ZNF831: variants seen among roughly 807,000 people sequenced by gnomAD.
ZNF831 encodes chromosome 20 open reading frame 174.
A neutral mutation model predicts 95.8 loss-of-function variants in ZNF831; 59 were observed. The ratio of observed to expected loss-of-function variants is 0.62; its 90% CI spans 0.50 to 0.77. The LOEUF is 0.77. ZNF831 is among the 30% of genes least tolerant of loss of function. ZNF831 has a pLI of 0.00. For missense variants in ZNF831, 2,205 were observed against 2,164.0 expected (o/e 1.02, Z -0.38); for synonymous variants, 961 against 925.5 (o/e 1.04, Z -0.70).
At chr20:59,253,863 C>A in intron 5 of ZNF831, 35 bp from the exon 6 acceptor site, 7 of 1,096,166 alleles carry the variant, frequency 6.4e-6, no homozygotes, top group South Asian at 1.7e-5. Flanking sequence ...TTAACCTCCC[C>A]CCCCACTTTT....
Position 59,258,964 on chromosome 20 carries a change from CT to C in ZNF831, c.*4223del, listed in dbSNP as rs1478357452. ...GGAGCACTAGAGGATGACGGAATGT[CT>C]TGTATATGCGGTCAACTGTTCAGGA... On this transcript the variant is annotated 3_prime_UTR_variant, in exon 6 of 6. Transcript: ENST00000371030. 6.6e-6 allele frequency: 1 copy of C among 152,176 alleles called. No homozygotes were observed. Among genetic ancestry groups the C allele is most frequent in the Non-Finnish European group, 1.5e-5 (1 of 68,022 alleles). 9.4% of individuals were successfully genotyped at this position (152,176 alleles called of 1,614,324 possible). A position where few individuals can be genotyped will look rare whatever the true frequency, so the allele number is the denominator to read the frequency against.
rs1382267557 is a variant in ZNF831 at position 59,207,020 on chromosome 20, T to G, written c.3991T>G (p.Cys1331Gly). ...TCCCGCACTTGAGGGACTGAAGCCA[T>G]GCAGGACCCCTGGGCAGACCTCTTC... ...HPPALEGLKP[C>G]RTPGQTSSEI... Residue 1331 changes from cysteine (C) to glycine (G), a missense_variant, in exon 4 of 6, where the codon TGC becomes GGC. Coordinates refer to ENST00000371030, the MANE Select transcript of ZNF831 (RefSeq NM_178457.3). 6.2e-7 allele frequency: 1 copy of G among 1,614,070 alleles called. No homozygotes were observed. Among genetic ancestry groups the G allele is most frequent in the South Asian group, 1.1e-5 (1 of 91,086 alleles).
chr20:59,239,843 C>A (rs1339022814), intron 4 of ZNF831, among the ~76,000 whole-genome samples: 1 of 152,246 alleles, frequency 6.6e-6, no homozygotes, highest in East Asian at 1.9e-4. Context: ...CCGCACCCGG[C>A]CATCTGTAAG....
intron 4 of ZNF831, among the ~76,000 whole-genome samples, chr20:59,219,571 G>C (rs1218226139): frequency 6.6e-6 from 1 of 152,126 alleles, no homozygotes; most frequent in East Asian, 1.9e-4. Flanking sequence ...GCATAGCAGG[G>C]GGTGGGGCAT....
chr20:59,205,416 C>A (rs77913578), intron 3 of ZNF831, among the ~76,000 whole-genome samples: 11,338 of 152,262 alleles, frequency 0.074, 584 homozygotes, highest in Non-Finnish European at 0.11. Context: ...TCCCCTCCCC[C>A]CAGCCGGGGA....
chr20:59,195,836 G>T, intron 2 of ZNF831, 33 bp from the exon 3 acceptor site: 4 of 1,600,494 alleles, frequency 2.5e-6, no homozygotes, highest in Non-Finnish European at 3.4e-6. Context: ...AGGACTTTGA[G>T]TAATGTGATG....
chr20:59,134,839 C>T (rs1601290423), intron 1 of ZNF831, among the ~76,000 whole-genome samples: 2 of 152,188 alleles, frequency 1.3e-5, no homozygotes, highest in African/African-American at 2.4e-5. Flanking sequence ...CATTCGATCT[C>T]TTTGTGCCTC....
intron 2 of ZNF831, among the ~76,000 whole-genome samples, chr20:59,156,490 C>T (rs1451233642): frequency 6.6e-6 from 1 of 152,114 alleles, no homozygotes; most frequent in East Asian, 1.9e-4. Context: ...TGCACCACTG[C>T]ACTCCAGCCT....
chr20:59,199,114 TC>T, intron 3 of ZNF831, among the ~76,000 whole-genome samples: 1 of 136,648 alleles, frequency 7.3e-6, no homozygotes, highest in South Asian at 2.6e-4. Context: ...TATCTATCTA[TC>T]TATCTATCTA....
chr20:59,167,128 C>G (rs1298166105), intron 1 of ZNF831, among the ~76,000 whole-genome samples: 1 of 152,234 alleles, frequency 6.6e-6, no homozygotes, highest in Non-Finnish European at 1.5e-5. Flanking sequence ...GCCATTCTGA[C>G]AGGTGTGAAG....
In ZNF831 at chr20:59,193,884, C is replaced by T. The variant is rs776722411; in HGVS notation, c.2865C>T (p.Pro955=). The part of the protein sequence containing the change: ...LPQAETPLPL[P]IPWGPRHSQD... Reference sequence around the variant, plus strand: ...AGGCAGAGACCCCCTTACCACTGCCCATTCCCTGGGGACCAAGGCACAGCC... The same window carrying T: ...AGGCAGAGACCCCCTTACCACTGCCTATTCCCTGGGGACCAAGGCACAGCC... The change falls in exon 2 of 6, where the codon CCC becomes CCT. Residue 955 remains proline (P), a synonymous_variant. Coordinates refer to ENST00000371030, the MANE Select transcript of ZNF831 (RefSeq NM_178457.3). 3.7e-6 allele frequency: 6 copies of T among 1,609,124 alleles called. No individual in the cohort carries two copies. The highest frequency in any genetic ancestry group is 1.3e-5 in the African/African-American group (1 of 74,782).
chr20:59,144,727 T>C (rs1004604804), intron 1 of ZNF831, among the ~76,000 whole-genome samples: 1 of 152,192 alleles, frequency 6.6e-6, no homozygotes, highest in African/African-American at 2.4e-5. Flanking sequence ...TCCTACCCCC[T>C]GTGTCAACCT....
rs557142843 is a variant in ZNF831 at position 59,195,322 on chromosome 20, G to T, written c.3739-547G>T. 4.6e-5 allele frequency among the ~76,000 whole-genome samples: 7 copies of T among 152,314 alleles called. 1 individual carries two copies. The East Asian group carries it at 1.4e-3, about 29-fold the overall frequency. On this transcript the variant is annotated intron_variant, in intron 2 of 5. Coordinates refer to ENST00000371030, the MANE Select transcript of ZNF831 (RefSeq NM_178457.3). ...AGCTCCACCTTGAGAGGGGGTTCACGCACCTGGTTGTGATGACTGAGGGCT... is the reference window on the plus strand; with the variant it reads ...AGCTCCACCTTGAGAGGGGGTTCACTCACCTGGTTGTGATGACTGAGGGCT...
chr20:59,238,353 C>G (rs966631155), intron 4 of ZNF831, among the ~76,000 whole-genome samples: 5 of 152,158 alleles, frequency 3.3e-5, no homozygotes, highest in Non-Finnish European at 5.9e-5. Flanking sequence ...AGTGTCCTGA[C>G]CCCCCAGTTT....
rs1435689856 is a variant in ZNF831, at chr20:59,208,332, T to G, written c.4027+1276T>G. ...CCATGGAGGGCATCTCAGGGCTAAA[T>G]GCTGGTCTGTACCACCAGGACAAGA... is the stretch of plus-strand genomic sequence containing the variant. On this transcript the variant is annotated intron_variant, in intron 4 of 5. Coordinates refer to ENST00000371030, the MANE Select transcript of ZNF831 (RefSeq NM_178457.3). This position sits in a 1 kb window ranked among gnomAD's most constrained non-coding sequence, Gnocchi z 4.2. Among the ~76,000 whole-genome samples the G allele has an allele frequency of 1.3e-5, 2 of 152,126 alleles. No homozygotes were observed. Among genetic ancestry groups the G allele is most frequent in the Non-Finnish European group, 1.5e-5 (1 of 68,018 alleles).
chr20:59,253,869 C>CCCGGG, intron 5 of ZNF831, 29 bp from the exon 6 acceptor site: 1 of 1,067,572 alleles, frequency 9.4e-7, no homozygotes, highest in Non-Finnish European at 1.2e-6. Context: ...TCCCCCCCCA[C>CCCGGG]TTTTTTTTTC....
At chr20:59,222,223 G>C (rs1427232790) in intron 4 of ZNF831, among the ~76,000 whole-genome samples, 1 of 152,192 alleles carries the variant, frequency 6.6e-6, no homozygotes, top group Non-Finnish European at 1.5e-5. Context: ...CGCCCCACGG[G>C]CTGGGCTGAG....
intron 4 of ZNF831, among the ~76,000 whole-genome samples, chr20:59,216,720 G>A (rs956117855): frequency 6.6e-6 from 1 of 152,164 alleles, no homozygotes; most frequent in East Asian, 1.9e-4. Flanking sequence ...GGGGACGGGC[G>A]CAGGTACAGT....
intron 2 of ZNF831, among the ~76,000 whole-genome samples, chr20:59,156,476 A>C (rs1980548958): frequency 6.6e-6 from 1 of 152,194 alleles, no homozygotes; most frequent in Admixed American, 6.5e-5. Flanking sequence ...CAGTAAGCCG[A>C]GATTGCACCA....
Sources: allele counts gnomAD v4.1 joint callset (sites outside exome capture counted in the v4.1 genomes callset), GRCh38; gene constraint gnomAD v4.1.1; non-coding constraint Gnocchi (gnomAD v3.1); transcripts MANE v1.5; gene names NCBI Gene and HGNC (gene_info 2026-07-23, HGNC 2026-07-21).